MAP3K8: variants seen among roughly 807,000 people sequenced by gnomAD.
MAP3K8 encodes the protein mitogen-activated protein kinase kinase kinase 8, also known as Ewing sarcoma transformant.
A neutral mutation model predicts 45.8 loss-of-function variants in MAP3K8; 22 were observed. The observed-to-expected ratio is 0.48, with a 90% CI of 0.34 to 0.69. The LOEUF is 0.69. MAP3K8 is among the 30% of genes least tolerant of loss of function. The pLI, the probability that MAP3K8 is intolerant of heterozygous loss-of-function variation, is 0.01. For missense variants in MAP3K8, 419 were observed against 585.0 expected (o/e 0.72, Z 2.93); for synonymous variants, 223 against 214.3 (o/e 1.04, Z -0.36).
chr10:30,458,262 GGGCGGC>G, intron 7 of MAP3K8, 26 bp downstream of exon 7: 3 of 1,311,640 alleles, frequency 2.3e-6, no homozygotes, highest in Admixed American at 2.8e-5. Flanking sequence ...CCAGGGCTGG[GGGCGGC>G]GGGGGGGGGC....
intron 1 of MAP3K8, chr10:30,434,680 A>T (rs1835856697): frequency 3.0e-6 from 3 of 985,242 alleles, no homozygotes; most frequent in Middle Eastern, 5.2e-4. Context: ...GGAAGCGGGG[A>T]CCCGCTGTCA....
intron 8 of MAP3K8, among the ~76,000 whole-genome samples, chr10:30,459,919 T>G (rs1000422699): frequency 6.6e-6 from 1 of 152,134 alleles, no homozygotes; most frequent in East Asian, 1.9e-4. Context: ...CTTGGGTCAC[T>G]GCAACCTCTG....
chr10:30,458,170 G>A lies in MAP3K8; in HGVS notation c.960G>A (p.Met320Ile). The A allele has an allele frequency of 6.3e-7, 1 of 1,593,162 alleles. No homozygotes were observed. Among genetic ancestry groups the A allele is most frequent in the Non-Finnish European group, 8.6e-7 (1 of 1,169,418 alleles). ...GCCTGGGGGCCACGCTCATCCACATGCAGACGGGCACCCCACCCTGGGTGA... is the reference window on the plus strand; with the variant it reads ...GCCTGGGGGCCACGCTCATCCACATACAGACGGGCACCCCACCCTGGGTGA... The part of the protein sequence containing the change: ...IYSLGATLIH[M>I]QTGTPPWVKR... The change falls in exon 7 of 9, where the codon ATG (methionine) becomes ATA (isoleucine). Residue 320 changes from methionine (M) to isoleucine (I), a missense_variant. Met to Ile is a conservative substitution (Grantham distance 10). Transcript: ENST00000263056.
chr10:30,450,632 C>T, intron 5 of MAP3K8, 113 bp downstream of exon 5: 1 of 858,202 alleles, frequency 1.2e-6, no homozygotes, highest in Non-Finnish European at 1.9e-6. Context: ...AAAGCTCCCT[C>T]AGAGCACCGT....
At chr10:30,442,253 G>T (rs936670839) in intron 3 of MAP3K8, among the ~76,000 whole-genome samples, 16 of 152,242 alleles carry the variant, frequency 1.1e-4, no homozygotes, top group African/African-American at 3.9e-4. Context: ...GCACAGGCAG[G>T]ATACTTTACA....
At chr10:30,459,558 C>T in intron 8 of MAP3K8, 57 bp downstream of exon 8, 1 of 1,596,530 alleles carries the variant, frequency 6.3e-7, no homozygotes, top group African/African-American at 1.3e-5. Context: ...CTGTCCACAT[C>T]AAACCTCTGA....
chr10:30,450,364 A>G lies in MAP3K8; in HGVS notation c.611A>G (p.His204Arg). 4 of 1,614,150 alleles carry G rather than the reference A, an allele frequency of 2.5e-6. No homozygotes were observed. The highest frequency in any genetic ancestry group is 3.4e-6 in the Non-Finnish European group (4 of 1,180,028). ...GCAGTCCTGTGGGGTGAAACTGTCCATCTCTTTATGGAAGCAGGCGAGGGA... is the reference window on the plus strand; with the variant it reads ...GCAGTCCTGTGGGGTGAAACTGTCCGTCTCTTTATGGAAGCAGGCGAGGGA... Reference protein sequence around the residue: ...YGAVLWGETVHLFMEAGEGGS... With the variant: ...YGAVLWGETVRLFMEAGEGGS... The change falls in exon 5 of 9, where the codon CAT becomes CGT. Residue 204 changes from histidine to arginine, a missense_variant. Around this residue, in one of 3 missense-constraint regions of MAP3K8, gnomAD observed 209 missense variants for 367.3 expected, o/e 0.57. Coordinates refer to ENST00000263056, the MANE Select transcript of MAP3K8 (RefSeq NM_005204.4).
rs1404956717 is a variant in MAP3K8, at chr10:30,437,212, G to A, written c.-218G>A. 3.0e-6 allele frequency: 3 copies of A among 985,198 alleles called. No homozygotes were observed. The highest frequency in any genetic ancestry group is 3.6e-6 in the Non-Finnish European group (3 of 829,882). The allele number at this position is 985,198 out of a possible 1,614,324, so 61.0% of individuals were successfully genotyped here. A position where few individuals can be genotyped will look rare whatever the true frequency, so the allele number is the denominator to read the frequency against. On this transcript the variant is annotated 5_prime_UTR_variant, in exon 2 of 9. Coordinates refer to ENST00000263056, the MANE Select transcript of MAP3K8 (RefSeq NM_005204.4). ...TTACCGCGAAGAAGCCAGGGGAATA[G>A]GTAGCCACATCTTGTTTGCAGATAA...
chr10:30,438,518 C>T (rs1326591248), intron 2 of MAP3K8, among the ~76,000 whole-genome samples: 3 of 152,190 alleles, frequency 2.0e-5, no homozygotes, highest in African/African-American at 4.8e-5. Context: ...AGGGAGGGTG[C>T]CACTTCGGGG....
intron 6 of MAP3K8, among the ~76,000 whole-genome samples, chr10:30,453,075 C>G (rs1424260171): frequency 1.3e-5 from 2 of 151,962 alleles, no homozygotes; most frequent in African/African-American, 4.8e-5. Flanking sequence ...TTACAACAAC[C>G]CAGTTGTTGC....
Position 30,461,520 on chromosome 10 carries a change from C to A in MAP3K8, c.*684C>A. ...TGAATGTGGATAAAACTGTGTAAACCACATAATTTTTGTACATCCCAAAGG... is the reference window on the plus strand; with the variant it reads ...TGAATGTGGATAAAACTGTGTAAACAACATAATTTTTGTACATCCCAAAGG... On this transcript the variant is annotated 3_prime_UTR_variant, in exon 9 of 9. Transcript: ENST00000263056. The A allele has an allele frequency of 5.1e-6, 1 of 194,260 alleles. No homozygotes were observed. Among genetic ancestry groups the A allele is most frequent in the Non-Finnish European group, 1.1e-5 (1 of 93,084 alleles). The allele number at this position is 194,260 out of a possible 1,614,324, so 12.0% of individuals were successfully genotyped here.
At chr10:30,448,085 T>C in intron 4 of MAP3K8, 136 bp downstream of exon 4, 1 of 745,126 alleles carries the variant, frequency 1.3e-6, no homozygotes, top group Non-Finnish European at 2.1e-6. Context: ...TCAAAGCATT[T>C]GTTTTTCTGA....
chr10:30,445,341 G>T (rs982733306), intron 3 of MAP3K8, among the ~76,000 whole-genome samples: 1 of 152,138 alleles, frequency 6.6e-6, no homozygotes, highest in African/African-American at 2.4e-5. Flanking sequence ...AGGTTGCAGT[G>T]AGCCAAGATC....
At position 30,439,251 on chromosome 10, in the gene MAP3K8, G is replaced by C. The variant is rs1187322311; in HGVS notation, c.313G>C (p.Glu105Gln). Residue 105 changes from glutamate to glutamine, a missense_variant, in exon 3 of 9, where the codon GAA (glutamate) becomes CAA (glutamine). This residue lies in a region of MAP3K8 where 209 missense variants were observed against 367.3 expected (regional missense o/e 0.57). Transcript: ENST00000263056. ...AKHFYGQRPQ[E>Q]SGILLNMVIT... ...GCATTTTTATGGACAACGACCACAG[G>C]AATCTGGAATTTTATTAAACATGGT... 1 of 1,614,076 alleles carries C rather than the reference G, an allele frequency of 6.2e-7. No individual in the cohort carries two copies. Among genetic ancestry groups the C allele is most frequent in the African/African-American group, 1.3e-5 (1 of 74,936 alleles).
At chr10:30,456,489 T>C (rs943422434) in intron 6 of MAP3K8, among the ~76,000 whole-genome samples, 11 of 152,126 alleles carry the variant, frequency 7.2e-5, no homozygotes, top group African/African-American at 2.7e-4. Context: ...CTCTGGTTTT[T>C]GTAAGCTAGT....
At chr10:30,453,890 AGAAG>A (rs1231369640) in intron 6 of MAP3K8, among the ~76,000 whole-genome samples, 17 of 135,596 alleles carry the variant, frequency 1.3e-4, no homozygotes, top group African/African-American at 4.0e-4. Context: ...AAAGAAAAAA[AGAAG>A]GAAGGGAGGG....
At chr10:30,458,760 G>T (rs946249551) in intron 7 of MAP3K8, among the ~76,000 whole-genome samples, 1 of 152,136 alleles carries the variant, frequency 6.6e-6, no homozygotes. Context: ...TCAGAAGATG[G>T]GTTTAACCTG....
intron 3 of MAP3K8, among the ~76,000 whole-genome samples, chr10:30,447,458 T>A (rs1836379670): frequency 6.6e-6 from 1 of 152,228 alleles, no homozygotes; most frequent in African/African-American, 2.4e-5. Flanking sequence ...ATTTACGCAA[T>A]CTTTATTTTC....
rs762985191 is a variant in MAP3K8 at position 30,453,469 on chromosome 10, A to G, written c.873+1725A>G. On this transcript the variant is annotated intron_variant, in intron 6 of 8. Transcript: ENST00000263056. Reference sequence around the variant, plus strand: ...CTGTGAAGCAAAAAACGACCCAGAAAAGCCTTTCTTTCCTGACTCTAAATG... The same window carrying G: ...CTGTGAAGCAAAAAACGACCCAGAAGAGCCTTTCTTTCCTGACTCTAAATG... 1.1e-4 allele frequency among the ~76,000 whole-genome samples: 16 copies of G among 152,250 alleles called. No homozygotes were observed. In the South Asian group the frequency reaches 2.1e-3, roughly 20 times the overall value.
Sources: gnomAD v4.1 joint callset for allele counts (sites outside exome capture counted in the v4.1 genomes callset) on GRCh38, gnomAD v4.1.1 for gene constraint, gnomAD v4.1.1 regional missense constraint, MANE v1.5 for transcripts, NCBI Gene and HGNC (gene_info 2026-07-23, HGNC 2026-07-21) for gene names.